INO80: variants seen among roughly 807,000 people sequenced by gnomAD.
The protein encoded by INO80 is INO80 complex ATPase subunit.
In INO80, 20 loss-of-function variants were observed where a neutral mutation model predicts 203.4. The ratio of observed to expected loss-of-function variants is 0.10; its 90% CI spans 0.07 to 0.14. INO80 has a LOEUF of 0.14. Among genes scored for constraint, INO80 ranks in the 10% least tolerant of loss-of-function variants. The pLI is 1.00. For missense variants in INO80, 1,419 were observed against 1,914.4 expected (o/e 0.74, Z 4.83); for synonymous variants, 726 against 685.2 (o/e 1.06, Z -0.93).
intron 15 of INO80, among the ~76,000 whole-genome samples, chr15:41,059,312 T>C (rs1182906288): frequency 2.0e-5 from 3 of 150,720 alleles, no homozygotes; most frequent in Admixed American, 6.6e-5. Flanking sequence ...AGGCTGAAAC[T>C]AGTCTTCAGC....
chr15:41,045,196 A>C (rs2140519207), intron 23 of INO80, 121 bp from the exon 24 acceptor site: 1 of 738,546 alleles, frequency 1.4e-6, no homozygotes, highest in South Asian at 3.0e-5. Flanking sequence ...TCATTTTAGA[A>C]ACAGTTCTTT....
chr15:41,004,153 A>C (rs368377162), intron 28 of INO80, among the ~76,000 whole-genome samples: 1 of 152,190 alleles, frequency 6.6e-6, no homozygotes, highest in African/African-American at 2.4e-5. Flanking sequence ...CTAGGTGAGA[A>C]GCTAGGTTAG....
intron 1 of INO80, among the ~76,000 whole-genome samples, chr15:41,101,816 C>A (rs1428846170): frequency 6.6e-6 from 1 of 151,334 alleles, no homozygotes; most frequent in Non-Finnish European, 1.5e-5. Flanking sequence ...TCCCAAAGTG[C>A]TGGGATTACA....
intron 34 of INO80, chr15:40,983,283 A>T: frequency 1.8e-6 from 1 of 557,040 alleles, no homozygotes; most frequent in South Asian, 2.2e-5. Flanking sequence ...AAACATCCTA[A>T]CTCCTCAAGC....
rs371741745 is a variant in INO80 at position 41,011,549 on chromosome 15, A to G, written c.3402+4539T>C. ...TCTACAATTCTTAAGACCTAATAAG[A>G]ACTCTAGTTAACAGTGGCCCCAATT... is the stretch of plus-strand genomic sequence containing the variant. On this transcript the variant is annotated intron_variant, in intron 27 of 35. Coordinates refer to ENST00000648947, the MANE Select transcript of INO80 (RefSeq NM_017553.3). The G allele has an allele frequency of 5.3e-5, 8 of 152,160 alleles. No individual in the cohort carries two copies. The East Asian group carries it at 9.6e-4, about 18-fold the overall frequency. The allele number at this position is 152,160 out of a possible 1,614,324, so 9.4% of individuals were successfully genotyped here. A position where few individuals can be genotyped will look rare whatever the true frequency, so the allele number is the denominator to read the frequency against.
chr15:41,062,240 A>G (rs1046693018), intron 14 of INO80, among the ~76,000 whole-genome samples: 1 of 152,120 alleles, frequency 6.6e-6, no homozygotes, highest in Non-Finnish European at 1.5e-5. Flanking sequence ...GAAAGTAGTA[A>G]CTCTTAATTT....
chr15:41,061,630 T>A (rs1394925725), intron 14 of INO80, among the ~76,000 whole-genome samples: 1 of 150,836 alleles, frequency 6.6e-6, no homozygotes, highest in Non-Finnish European at 1.5e-5. Flanking sequence ...TTCAAAAAAA[T>A]AAATAAAATA....
intron 1 of INO80, among the ~76,000 whole-genome samples, chr15:41,104,474 G>A (rs2045853799): frequency 6.6e-6 from 1 of 152,078 alleles, no homozygotes; most frequent in Non-Finnish European, 1.5e-5. Flanking sequence ...TTCCTGAGCT[G>A]TGTTCATGAG....
At chr15:41,014,106 G>A (rs1033847658) in intron 27 of INO80, among the ~76,000 whole-genome samples, 4 of 152,114 alleles carry the variant, frequency 2.6e-5, no homozygotes, top group East Asian at 1.9e-4. Flanking sequence ...GCGATACACC[G>A]AGGGAAGGAC....
At chr15:40,984,657 A>G (rs1395299933) in intron 32 of INO80, among the ~76,000 whole-genome samples, 1 of 151,358 alleles carries the variant, frequency 6.6e-6, no homozygotes, top group African/African-American at 2.4e-5. Flanking sequence ...GAGCTTATGA[A>G]TATCTGCCAC....
intron 1 of INO80, among the ~76,000 whole-genome samples, chr15:41,111,460 T>C (rs919939836): frequency 2.6e-5 from 4 of 151,788 alleles, no homozygotes; most frequent in Admixed American, 6.6e-5. Context: ...AAAGAATTTT[T>C]TTTTTAATGG....
intron 9 of INO80, among the ~76,000 whole-genome samples, chr15:41,077,491 AGAGT>A: frequency 6.6e-6 from 1 of 152,276 alleles, no homozygotes; most frequent in East Asian, 1.9e-4. Flanking sequence ...CTTGAGAAAG[AGAGT>A]GAGAGAAAAT....
At position 41,071,947 on chromosome 15, in the gene INO80, G is replaced by A; in HGVS notation, c.1507C>T (p.Arg503Trp). 3 of 1,613,858 alleles carry A rather than the reference G, an allele frequency of 1.9e-6. No individual in the cohort carries two copies. Among genetic ancestry groups the A allele is most frequent in the East Asian group, 2.2e-5 (1 of 44,876 alleles). ...ESYSLANPSI[R>W]AGEDIPQPTI... is the part of the protein sequence containing the mutation. ...GGCTGTGGAATATCCTCACCAGCCC[G>A]GATAGATGGGTTAGCCAGGCTATAA... The change falls in exon 12 of 36, where the codon CGG becomes TGG. Residue 503 changes from arginine (R) to tryptophan (W), a missense_variant. Transcript: ENST00000648947.
At chr15:41,082,758 C>T (rs2045504140) in intron 7 of INO80, among the ~76,000 whole-genome samples, 1 of 152,008 alleles carries the variant, frequency 6.6e-6, no homozygotes, top group Non-Finnish European at 1.5e-5. Context: ...GTGGCACACA[C>T]TTATAGCCCC....
At chr15:41,096,109 G>GT in intron 2 of INO80, 59 bp downstream of exon 2, 1 of 1,514,178 alleles carries the variant, frequency 6.6e-7, no homozygotes, top group Non-Finnish European at 8.9e-7. Flanking sequence ...TGTAAAATCT[G>GT]TAAGGATGAT....
At chr15:41,111,757 C>G (rs1240647648) in intron 1 of INO80, among the ~76,000 whole-genome samples, 1 of 151,098 alleles carries the variant, frequency 6.6e-6, no homozygotes, top group Non-Finnish European at 1.5e-5. Context: ...GAGCTGAGAT[C>G]ACGCCACTGT....
Position 40,979,051 on chromosome 15 carries a change from GA to G in INO80, c.*1171del, listed in dbSNP as rs1893708329. The G allele has an allele frequency of 6.6e-6, 1 of 152,588 alleles. No homozygotes were observed. Among genetic ancestry groups the G allele is most frequent in the African/African-American group, 2.4e-5 (1 of 41,430 alleles). The allele number at this position is 152,588 out of a possible 1,614,324, so 9.5% of individuals were successfully genotyped here. ...CCCTCTAAATAGCATCTGTACACAG[GA>G]ATCTGGGTTTGAGCAGGGGAATCTT... On this transcript the variant is annotated 3_prime_UTR_variant, in exon 36 of 36. Transcript: ENST00000648947.
rs145411302 is a variant in INO80 at position 41,076,857 on chromosome 15, T to C, written c.1132-2292A>G. Reference sequence around the variant, plus strand: ...AAACATAATCCAAAATACCAAATTATATGGAACACAGAACACAGTATAAGT... The same window carrying C: ...AAACATAATCCAAAATACCAAATTACATGGAACACAGAACACAGTATAAGT... On this transcript the variant is annotated intron_variant, in intron 9 of 35. Transcript: ENST00000648947. Among the ~76,000 whole-genome samples the C allele has an allele frequency of 2.1e-4, 32 of 152,280 alleles. No individual in the cohort carries two copies. In the East Asian group the frequency reaches 6.0e-3, roughly 28 times the overall value.
intron 1 of INO80, among the ~76,000 whole-genome samples, chr15:41,099,237 C>CAAAAAAAAAAAAAAAAA (rs71104771): frequency 4.7e-5 from 1 of 21,094 alleles, no homozygotes; most frequent in Non-Finnish European, 9.8e-5. Context: ...GACCCTGTCT[C>CAAAAAAAAAAAAAAAAA]AAAAAAAAAA....
Sources: gnomAD v4.1 joint callset for allele counts (sites outside exome capture counted in the v4.1 genomes callset) on GRCh38, gnomAD v4.1.1 for gene constraint, MANE v1.5 for transcripts, NCBI Gene and HGNC (gene_info 2026-07-23, HGNC 2026-07-21) for gene names.